Variants in AGBL4 observed in about 807,000 individuals in gnomAD.
AGBL4 encodes cytosolic carboxypeptidase 6.
Under a neutral mutation model 66.4 loss-of-function variants are expected in AGBL4, and 58 were observed. The observed-to-expected ratio is 0.87, with a 90% CI of 0.71 to 1.09. The LOEUF (loss-of-function observed/expected upper bound fraction) is 1.09. Ranked by LOEUF, AGBL4 falls within the 50% of genes least tolerant of loss-of-function variation. The pLI is 0.00. For synonymous variants in AGBL4, 234 were observed against 222.9 expected (o/e 1.05, Z -0.44); for missense variants, 579 against 631.0 (o/e 0.92, Z 0.88).
intron 2 of AGBL4, chr1:49,845,241 C>G (rs1646109239): frequency 1.9e-6 from 3 of 1,548,712 alleles, no homozygotes; most frequent in Non-Finnish European, 2.7e-6. Context: ...GGGAGAAACC[C>G]TATAAATGCA....
At chr1:48,842,141 T>C (rs1240222204) in intron 6 of AGBL4, among the ~76,000 whole-genome samples, 1 of 152,208 alleles carries the variant, frequency 6.6e-6, no homozygotes, top group African/African-American at 2.4e-5. Flanking sequence ...CATCTTTTTC[T>C]GCATTCAAGG....
intron 1 of AGBL4, among the ~76,000 whole-genome samples, chr1:50,019,974 C>CT (rs984236130): frequency 6.6e-6 from 1 of 152,008 alleles, no homozygotes; most frequent in Non-Finnish European, 1.5e-5. Context: ...ATCTGACCCT[C>CT]TTACAGAGCT....
chr1:49,405,645 TTGA>T (rs1298992356), intron 3 of AGBL4, among the ~76,000 whole-genome samples: 27 of 152,162 alleles, frequency 1.8e-4, no homozygotes, highest in Non-Finnish European at 2.9e-5. Flanking sequence ...TTTCTTCCCT[TTGA>T]TGAGGTGTAC....
intron 6 of AGBL4, chr1:48,742,853 C>A: frequency 7.4e-7 from 1 of 1,346,598 alleles, no homozygotes; most frequent in Non-Finnish European, 9.8e-7. Context: ...TCTATCAGCA[C>A]ACCATGGCAC....
chr1:49,797,170 C>A (rs747069434), intron 2 of AGBL4, among the ~76,000 whole-genome samples: 2 of 152,088 alleles, frequency 1.3e-5, no homozygotes, highest in Non-Finnish European at 2.9e-5. Context: ...CTGCCAATTT[C>A]ACAAAAATAT....
chr1:49,320,542 G>A (rs913977503), intron 3 of AGBL4, among the ~76,000 whole-genome samples: 1 of 151,886 alleles, frequency 6.6e-6, no homozygotes, highest in African/African-American at 2.4e-5. Context: ...CTATGAAAAT[G>A]CGAGATCTCC....
At chr1:49,783,339 T>C (rs191880831) in intron 2 of AGBL4, among the ~76,000 whole-genome samples, 36 of 152,270 alleles carry the variant, frequency 2.4e-4, no homozygotes, top group Admixed American at 3.9e-4. Flanking sequence ...CATTACCAAA[T>C]TGAATTTATT....
chr1:48,597,868 GAGAA>G (rs1177715173), intron 9 of AGBL4, among the ~76,000 whole-genome samples: 3 of 145,678 alleles, frequency 2.1e-5, no homozygotes, highest in South Asian at 2.2e-4. Context: ...GAAAAGAAAG[GAGAA>G]AGAAAGAAAA....
intron 6 of AGBL4, among the ~76,000 whole-genome samples, chr1:48,793,885 C>T (rs926106722): frequency 2.6e-4 from 40 of 152,128 alleles, no homozygotes; most frequent in Admixed American, 2.1e-3. Flanking sequence ...CAAGAGTGGG[C>T]CAGGCACATC....
intron 4 of AGBL4, among the ~76,000 whole-genome samples, chr1:49,060,530 A>T (rs1334388183): frequency 2.0e-5 from 3 of 152,130 alleles, no homozygotes; most frequent in African/African-American, 7.2e-5. Context: ...AGCCACTGTT[A>T]GATTTTTCAG....
chr1:49,507,180 G>C (rs1162748487), intron 3 of AGBL4, among the ~76,000 whole-genome samples: 5 of 151,996 alleles, frequency 3.3e-5, no homozygotes, highest in African/African-American at 1.2e-4. Context: ...AGAGACAACT[G>C]GGAGAGAGAA....
At chr1:48,935,321 T>C (rs2148907903) in intron 5 of AGBL4, among the ~76,000 whole-genome samples, 1 of 152,248 alleles carries the variant, frequency 6.6e-6, no homozygotes, top group South Asian at 2.1e-4. Context: ...AGAGTGTCTT[T>C]AAGGGGTGGG....
chr1:49,755,126 T>A (rs1371408047), intron 2 of AGBL4, among the ~76,000 whole-genome samples: 1 of 152,166 alleles, frequency 6.6e-6, no homozygotes, highest in Non-Finnish European at 1.5e-5. Flanking sequence ...CTAGCCAAGT[T>A]GAGACATAAA....
chr1:49,888,454 A>G (rs1185727785), intron 1 of AGBL4, among the ~76,000 whole-genome samples: 2 of 152,194 alleles, frequency 1.3e-5, no homozygotes, highest in African/African-American at 4.8e-5. Context: ...TATGAGATTC[A>G]TATCCAATAA....
At chr1:49,836,755 G>A (rs1257236735) in intron 2 of AGBL4, among the ~76,000 whole-genome samples, 1 of 152,128 alleles carries the variant, frequency 6.6e-6, no homozygotes, top group African/African-American at 2.4e-5. Flanking sequence ...CTTCGGATGG[G>A]GTTGTTGTGT....
intron 1 of AGBL4, among the ~76,000 whole-genome samples, chr1:49,867,563 C>T (rs1414903034): frequency 3.6e-5 from 5 of 138,552 alleles, no homozygotes; most frequent in African/African-American, 1.3e-4. Flanking sequence ...TTGTTCAATT[C>T]CCACCTATGA....
intron 2 of AGBL4, among the ~76,000 whole-genome samples, chr1:49,795,836 A>C (rs926040314): frequency 6.6e-5 from 10 of 152,072 alleles, no homozygotes; most frequent in Non-Finnish European, 1.5e-4. Context: ...ATGGAATAAA[A>C]CCATAAAAAG....
Position 49,258,880 on chromosome 1 carries a change from T to G in AGBL4, c.283-13016A>C, listed in dbSNP as rs866318857. On this transcript the variant is annotated intron_variant, in intron 3 of 13. Transcript: ENST00000371839. ...CAGATTCACCAAAGTTGCAATGAAG[T>G]AAAAAATCTTAAGGGCAGCCAGAGA... 1.5e-3 allele frequency among the ~76,000 whole-genome samples: 227 copies of G among 151,792 alleles called. 2 individuals are homozygous for G. Among genetic ancestry groups the G allele is most frequent in the South Asian group, 0.01 (50 of 4,778 alleles).
At chr1:49,877,193 A>G (rs1391611549) in intron 1 of AGBL4, among the ~76,000 whole-genome samples, 2 of 151,160 alleles carry the variant, frequency 1.3e-5, no homozygotes, top group Non-Finnish European at 2.9e-5. Context: ...TTCCAACACT[A>G]TGTTGAATAG....
Sources: gnomAD v4.1 joint callset for allele counts (sites outside exome capture counted in the v4.1 genomes callset) on GRCh38, gnomAD v4.1.1 for gene constraint, MANE v1.5 for transcripts, NCBI Gene and HGNC (gene_info 2026-07-23, HGNC 2026-07-21) for gene names.